The following CRX variants were observed in gnomAD, a reference collection of about 807,000 sequenced individuals.
The protein encoded by CRX is cone-rod homeobox.
CRX carries 5 observed loss-of-function variants against 13.1 expected under a neutral mutation model. The ratio of observed to expected loss-of-function variants is 0.38; its 90% CI spans 0.20 to 0.80. CRX has a LOEUF of 0.80. Ranked by LOEUF, CRX falls within the 30% of genes least tolerant of loss-of-function variation. The probability of loss-of-function intolerance (pLI) is 0.43; values close to 1 mark genes in which losing one functional copy is unlikely to be tolerated. For missense variants in CRX, 351 were observed against 391.8 expected, an observed-to-expected ratio of 0.90 and a Z score of 0.88; for synonymous variants, 179 against 171.1, an observed-to-expected ratio of 1.05 and a Z score of -0.36.
intron 1 of CRX, among the ~76,000 whole-genome samples, chr19:47,832,471 A>G (rs1175621163): frequency 6.6e-6 from 1 of 151,914 alleles, no homozygotes; most frequent in Admixed American, 6.6e-5. Flanking sequence ...CCACCTGAAC[A>G]TAAATGCTAT....
intron 1 of CRX, among the ~76,000 whole-genome samples, chr19:47,827,786 G>C (rs567467079): frequency 8.8e-6 from 1 of 113,226 alleles, no homozygotes; most frequent in Non-Finnish European, 1.7e-5. Flanking sequence ...GCCTCCCAAA[G>C]TGTTGGGATT....
At chr19:47,822,792 G>GT (rs915116527) in intron 1 of CRX, among the ~76,000 whole-genome samples, 6 of 151,612 alleles carry the variant, frequency 4.0e-5, no homozygotes, top group Admixed American at 6.6e-5. Flanking sequence ...TTTCTGCAAA[G>GT]TTTTTTTTTG....
intron 3 of CRX, among the ~76,000 whole-genome samples, chr19:47,836,703 C>G (rs1041747577): frequency 1.3e-5 from 2 of 152,096 alleles, no homozygotes; most frequent in Non-Finnish European, 2.9e-5. Flanking sequence ...TCGCCTTGTT[C>G]GAGTCTTTGC....
intron 3 of CRX, among the ~76,000 whole-genome samples, chr19:47,838,532 TC>T (rs1968147058): frequency 6.6e-6 from 1 of 152,118 alleles, no homozygotes; most frequent in Admixed American, 6.6e-5. Context: ...ATCAGATGGC[TC>T]CATTAATGCA....
chr19:47,832,105 G>GTTTTTTTTTTTTTTTTT lies in CRX; in HGVS notation c.-35-2302_-35-2286dup, dbSNP rs71180891. ...AAATCAGTTCAGAGAGCAGCCTTAT[G>GTTTTTTTTTTTTTTTTT]TTTTTTTTTTTTTTTTTTGAGACGG... On this transcript the variant is annotated intron_variant, in intron 1 of 3. Coordinates refer to ENST00000221996, the MANE Select transcript of CRX (RefSeq NM_000554.6). Among the ~76,000 whole-genome samples the GTTTTTTTTTTTTTTTTT allele has an allele frequency of 8.2e-4, 75 of 91,978 alleles. 12 individuals are homozygous for GTTTTTTTTTTTTTTTTT. The highest frequency in any genetic ancestry group is 1.2e-3 in the Non-Finnish European group (56 of 48,592). 60.3% of individuals were successfully genotyped at this position (91,978 alleles called of 152,430 possible).
In CRX at chr19:47,834,420, T is replaced by G. The variant is rs754826007; in HGVS notation, c.-24T>G. ...CTCTTCTCTTGCAGGCCCCCTGACT[T>G]GGGCCTCAGTGTCCCCGAAGATCAT... On this transcript the variant is annotated 5_prime_UTR_variant, in exon 2 of 4. Transcript: ENST00000221996. 6.4e-7 allele frequency: 1 copy of G among 1,568,764 alleles called. No individual in the cohort carries two copies. The highest frequency in any genetic ancestry group is 1.1e-5 in the South Asian group (1 of 90,176).
At chr19:47,832,105 G>GTTTTTGTTTTTTTTTTTTTT (rs1555801483) in intron 1 of CRX, among the ~76,000 whole-genome samples, 2 of 91,988 alleles carry the variant, frequency 2.2e-5, no homozygotes, top group Non-Finnish European at 2.1e-5. Context: ...GCAGCCTTAT[G>GTTTTTGTTTTTTTTTTTTTT]TTTTTTTTTT....
At chr19:47,832,989 A>G (rs1968071049) in intron 1 of CRX, among the ~76,000 whole-genome samples, 1 of 148,904 alleles carries the variant, frequency 6.7e-6, no homozygotes, top group Non-Finnish European at 1.5e-5. Context: ...ATCTTTGCCA[A>G]CCTGATAGGT....
rs1035325549 is a variant in CRX at position 47,832,377 on chromosome 19, A to G, written c.-35-2032A>G. ...TGCCTTGGCCTCCCAAAGTGCTGAA[A>G]TTACAGGCATGAGCCACTGCGCCCA... is the stretch of plus-strand genomic sequence containing the variant. On this transcript the variant is annotated intron_variant, in intron 1 of 3. Transcript: ENST00000221996. Among the ~76,000 whole-genome samples the G allele has an allele frequency of 4.0e-5, 6 of 151,888 alleles. No homozygotes were observed. In the South Asian group the frequency reaches 1.2e-3, roughly 32 times the overall value.
chr19:47,834,793 T>C (rs527655268), intron 2 of CRX, among the ~76,000 whole-genome samples: 1 of 152,282 alleles, frequency 6.6e-6, no homozygotes, highest in South Asian at 2.1e-4. Flanking sequence ...GGAATTTTCA[T>C]CTGTTACCAA....
At chr19:47,838,559 T>C (rs1309546818) in intron 3 of CRX, among the ~76,000 whole-genome samples, 2 of 152,142 alleles carry the variant, frequency 1.3e-5, no homozygotes, top group Admixed American at 6.5e-5. Context: ...GATGTATGCG[T>C]GTATGATGCA....
intron 3 of CRX, among the ~76,000 whole-genome samples, chr19:47,837,702 A>G (rs1301831189): frequency 6.6e-6 from 1 of 152,170 alleles, no homozygotes; most frequent in Non-Finnish European, 1.5e-5. Flanking sequence ...TAGATCCATT[A>G]ATGCATGTAT....
intron 3 of CRX, among the ~76,000 whole-genome samples, chr19:47,838,426 A>T (rs965255953): frequency 6.6e-6 from 1 of 152,002 alleles, no homozygotes. Flanking sequence ...TAATGTGTAT[A>T]TATGTATGAT....
intron 1 of CRX, among the ~76,000 whole-genome samples, chr19:47,828,113 C>T (rs1261537943): frequency 6.6e-6 from 1 of 151,440 alleles, no homozygotes; most frequent in Admixed American, 6.6e-5. Context: ...GAGATCAAGC[C>T]ATTGCACTCC....
Position 47,839,382 on chromosome 19 carries a change from G to A in CRX, c.315G>A (p.Gln105=), listed in dbSNP as rs777391590. Reference sequence around the variant, plus strand: ...AGCGACAGCAGCAGAAACAGCAGCAGCAGCCCCCAGGGGGCCAGGCCAAGG... The same window carrying A: ...AGCGACAGCAGCAGAAACAGCAGCAACAGCCCCCAGGGGGCCAGGCCAAGG... ...RQQRQQQKQQ[Q]QPPGGQAKAR... Residue 105 remains glutamine (Q), a synonymous_variant, in exon 4 of 4, where the codon CAG becomes CAA. Transcript: ENST00000221996. The surrounding 1 kb of genome is among the most constrained non-coding windows in gnomAD (Gnocchi z 4.6). 1 of 1,613,420 alleles carries A rather than the reference G, an allele frequency of 6.2e-7. No individual in the cohort carries two copies. Among genetic ancestry groups the A allele is most frequent in the Non-Finnish European group, 8.5e-7 (1 of 1,179,800 alleles).
intron 1 of CRX, among the ~76,000 whole-genome samples, chr19:47,832,301 TCA>T (rs1271259065): frequency 6.6e-6 from 1 of 150,896 alleles, no homozygotes; most frequent in Non-Finnish European, 1.5e-5. Flanking sequence ...AGACGGGGTT[TCA>T]CCATGTTGGC....
intron 1 of CRX, among the ~76,000 whole-genome samples, chr19:47,822,843 G>T (rs1271968375): frequency 6.6e-6 from 1 of 152,094 alleles, no homozygotes; most frequent in Non-Finnish European, 1.5e-5. Context: ...GCCCAAGCTG[G>T]AGTGCAGTGC....
chr19:47,829,485 C>G (rs1235903604), intron 1 of CRX, among the ~76,000 whole-genome samples: 1 of 152,106 alleles, frequency 6.6e-6, no homozygotes, highest in African/African-American at 2.4e-5. Context: ...GCGCCCACCA[C>G]CACGCCTGCC....
At chr19:47,834,324 G>C (rs926500428) in intron 1 of CRX, 85 bp from the exon 2 acceptor site, 1 of 791,020 alleles carries the variant, frequency 1.3e-6, no homozygotes, top group Non-Finnish European at 2.3e-6. Context: ...AGAGGAGAAG[G>C]AGGCAGGATT....
Sources: allele counts gnomAD v4.1 joint callset (sites outside exome capture counted in the v4.1 genomes callset), GRCh38; gene constraint gnomAD v4.1.1; non-coding constraint Gnocchi (gnomAD v3.1); transcripts MANE v1.5; gene names NCBI Gene and HGNC (gene_info 2026-07-23, HGNC 2026-07-21).